PACSIN1: variants seen among roughly 807,000 people sequenced by gnomAD.
PACSIN1 encodes protein kinase C and casein kinase substrate in neurons protein 1.
A neutral mutation model predicts 59.5 loss-of-function variants in PACSIN1; 15 were observed. That is an observed-to-expected ratio of 0.25 (90% CI 0.17 to 0.39). PACSIN1 has a LOEUF of 0.39. Ranked by LOEUF, PACSIN1 falls within the 10% of genes least tolerant of loss-of-function variation. The probability of loss-of-function intolerance (pLI) is 1.00; values close to 1 mark genes in which losing one functional copy is unlikely to be tolerated. For synonymous variants in PACSIN1, 210 were observed against 220.6 expected (o/e 0.95, Z 0.42); for missense variants, 420 against 580.2 (o/e 0.72, Z 2.84).
chr6:34,475,199 G>T (rs746563914), intron 1 of PACSIN1, among the ~76,000 whole-genome samples: 1 of 152,126 alleles, frequency 6.6e-6, no homozygotes, highest in Non-Finnish European at 1.5e-5. Flanking sequence ...TTGGGTGGGG[G>T]CAGAGCAGCA....
At chr6:34,494,730 C>A (rs990463478) in intron 1 of PACSIN1, among the ~76,000 whole-genome samples, 1 of 152,198 alleles carries the variant, frequency 6.6e-6, no homozygotes, top group Non-Finnish European at 1.5e-5. Context: ...AGCCACCAAG[C>A]CCAGCCACAG....
chr6:34,489,393 G>A (rs1191649038), intron 1 of PACSIN1, among the ~76,000 whole-genome samples: 1 of 152,124 alleles, frequency 6.6e-6, no homozygotes, highest in African/African-American at 2.4e-5. Flanking sequence ...TTGGTCAGCT[G>A]CATCCAAAAG....
At position 34,526,285 on chromosome 6, in the gene PACSIN1, C is replaced by T. The variant is rs547491188; in HGVS notation, c.-21C>T. Reference sequence around the variant, plus strand: ...CTGCTAACCGCAGCTCCGCACTTGTCCATCCCCCTGCGGCTACACCATGTC... The same window carrying T: ...CTGCTAACCGCAGCTCCGCACTTGTTCATCCCCCTGCGGCTACACCATGTC... On this transcript the variant is annotated 5_prime_UTR_variant, in exon 2 of 10. Transcript: ENST00000244458. 6.2e-7 allele frequency: 1 copy of T among 1,608,894 alleles called. No homozygotes were observed. The highest frequency in any genetic ancestry group is 1.7e-5 in the Admixed American group (1 of 59,996).
At chr6:34,501,374 T>A (rs1767020171) in intron 1 of PACSIN1, among the ~76,000 whole-genome samples, 1 of 152,204 alleles carries the variant, frequency 6.6e-6, no homozygotes, top group Non-Finnish European at 1.5e-5. Context: ...AAATTGCTAA[T>A]CTGGTCCAAC....
intron 1 of PACSIN1, among the ~76,000 whole-genome samples, chr6:34,482,685 T>C (rs1034646784): frequency 3.7e-5 from 1 of 27,364 alleles, no homozygotes. Flanking sequence ...TTTGTTTTTG[T>C]TTTTTTTTTT....
chr6:34,485,399 G>A (rs1185805580), intron 1 of PACSIN1, among the ~76,000 whole-genome samples: 1 of 152,070 alleles, frequency 6.6e-6, no homozygotes, highest in Non-Finnish European at 1.5e-5. Context: ...GGGGGCTGGG[G>A]CAGACCCTGG....
In PACSIN1 at chr6:34,492,357, C is replaced by A. The variant is rs138406731; in HGVS notation, c.-64+26087C>A. Among the ~76,000 whole-genome samples, 494 of 151,602 alleles carry A rather than the reference C, an allele frequency of 3.3e-3. 6 individuals carry two copies. Among genetic ancestry groups the A allele is most frequent in the Middle Eastern group, 0.014 (4 of 294 alleles). On this transcript the variant is annotated intron_variant, in intron 1 of 9. Transcript: ENST00000244458. Reference sequence around the variant, plus strand: ...CCTAGTAGCTGTAGCTACAGGCACGCATCACCATGCCCAGCTAATTTTTAT... The same window carrying A: ...CCTAGTAGCTGTAGCTACAGGCACGAATCACCATGCCCAGCTAATTTTTAT...
chr6:34,486,093 G>A (rs58218720), intron 1 of PACSIN1, among the ~76,000 whole-genome samples: 1,673 of 152,132 alleles, frequency 0.011, 45 homozygotes, highest in East Asian at 0.089. Flanking sequence ...AGGGAAAACC[G>A]ATCATTCAGG....
chr6:34,520,316 G>C (rs537708950), intron 1 of PACSIN1, among the ~76,000 whole-genome samples: 4 of 152,322 alleles, frequency 2.6e-5, no homozygotes, highest in Non-Finnish European at 5.9e-5. Context: ...GCACTGCTGG[G>C]AATATTTGTA....
chr6:34,504,994 T>G (rs1473649057), intron 1 of PACSIN1, among the ~76,000 whole-genome samples: 1 of 151,610 alleles, frequency 6.6e-6, no homozygotes, highest in African/African-American at 2.4e-5. Context: ...ATTATTATTA[T>G]TATTATTTTA....
chr6:34,500,967 C>T (rs936801389), intron 1 of PACSIN1, among the ~76,000 whole-genome samples: 3 of 152,236 alleles, frequency 2.0e-5, no homozygotes, highest in African/African-American at 7.2e-5. Context: ...TCACCCCTCT[C>T]AGACTTCATA....
chr6:34,478,737 T>G (rs1416215929), intron 1 of PACSIN1, among the ~76,000 whole-genome samples: 2 of 152,194 alleles, frequency 1.3e-5, no homozygotes, highest in African/African-American at 4.8e-5. Context: ...AGTGAATATT[T>G]TTTCCTTTTT....
intron 1 of PACSIN1, among the ~76,000 whole-genome samples, chr6:34,497,650 G>A (rs1043065408): frequency 2.0e-5 from 3 of 152,180 alleles, no homozygotes; most frequent in Non-Finnish European, 4.4e-5. Context: ...CCATCACTCT[G>A]TTGCCATCCG....
chr6:34,496,429 C>T (rs1484939988), intron 1 of PACSIN1, among the ~76,000 whole-genome samples: 1 of 152,196 alleles, frequency 6.6e-6, no homozygotes, highest in Non-Finnish European at 1.5e-5. Flanking sequence ...CTCTGCCAGC[C>T]TGAGGCGGGA....
Position 34,517,034 on chromosome 6 carries a change from T to C in PACSIN1, c.-63-9209T>C, listed in dbSNP as rs898869250. On this transcript the variant is annotated intron_variant, in intron 1 of 9. Transcript: ENST00000244458. ...GTGAGGAGGTATCTCCAGCTGGCTG[T>C]CCATGGGCATCTCAGGGCTCCAGAA... Among the ~76,000 whole-genome samples, 9 of 152,180 alleles carry C rather than the reference T, an allele frequency of 5.9e-5. No homozygotes were observed. The South Asian group carries it at 1.9e-3, about 32-fold the overall frequency.
At position 34,506,943 on chromosome 6, in the gene PACSIN1, G is replaced by A. The variant is rs183950255; in HGVS notation, c.-63-19300G>A. On this transcript the variant is annotated intron_variant, in intron 1 of 9. Transcript: ENST00000244458. ...GGTGGGGGATGGGGCTCCTAGTTAC[G>A]GCCAGGCAAGGCTCCCCACCCGGCC... Among the ~76,000 whole-genome samples the A allele has an allele frequency of 2.7e-4, 41 of 152,182 alleles. No homozygotes were observed. The East Asian group carries it at 5.0e-3, about 19-fold the overall frequency.
rs954961530 is a variant in PACSIN1 at position 34,516,267 on chromosome 6, C to T, written c.-63-9976C>T. Among the ~76,000 whole-genome samples, 23 of 152,118 alleles carry T rather than the reference C, an allele frequency of 1.5e-4. No individual in the cohort carries two copies. The highest frequency in any genetic ancestry group is 5.6e-4 in the African/African-American group (23 of 41,416). On this transcript the variant is annotated intron_variant, in intron 1 of 9. Coordinates refer to ENST00000244458, the MANE Select transcript of PACSIN1 (RefSeq NM_020804.5). The surrounding 1 kb of genome is among the most constrained non-coding windows in gnomAD (Gnocchi z 5.4). ...GTCACATGATGGGTAGGGGCATACA[C>T]GCTGAGAAGCTGGCGTGGCTCTGCT...
At chr6:34,500,984 A>G (rs1409204127) in intron 1 of PACSIN1, among the ~76,000 whole-genome samples, 1 of 152,240 alleles carries the variant, frequency 6.6e-6, no homozygotes, top group Non-Finnish European at 1.5e-5. Context: ...CATAGAACTG[A>G]AAAGCATTGC....
chr6:34,484,886 G>A (rs544917120), intron 1 of PACSIN1, among the ~76,000 whole-genome samples: 1 of 152,232 alleles, frequency 6.6e-6, no homozygotes, highest in South Asian at 2.1e-4. Context: ...AGTAAGGGGT[G>A]AGGGGCATGG....
Sources: allele counts gnomAD v4.1 joint callset (sites outside exome capture counted in the v4.1 genomes callset), GRCh38; gene constraint gnomAD v4.1.1; non-coding constraint Gnocchi (gnomAD v3.1); transcripts MANE v1.5; gene names NCBI Gene and HGNC (gene_info 2026-07-23, HGNC 2026-07-21).